The following DEDD2 variants were observed in gnomAD, a reference collection of about 807,000 sequenced individuals.
The protein encoded by DEDD2 is death effector domain containing 2, also known as DNA-binding death effector domain-containing protein 2.
In DEDD2, 18 loss-of-function variants were observed where a neutral mutation model predicts 28.9. The observed-to-expected ratio is 0.62, with a 90% CI of 0.43 to 0.92. DEDD2 has a LOEUF of 0.92. DEDD2 is among the 40% of genes least tolerant of loss of function. The probability of loss-of-function intolerance (pLI) is 0.00; values close to 1 mark genes in which losing one functional copy is unlikely to be tolerated. For missense variants in DEDD2, 411 were observed against 463.3 expected (o/e 0.89, Z 1.04); for synonymous variants, 211 against 206.1 (o/e 1.02, Z -0.20).
chr19:42,215,332 A>T, intron 2 of DEDD2, 80 bp from the exon 3 acceptor site: 2 of 1,557,080 alleles, frequency 1.3e-6, no homozygotes, highest in Non-Finnish European at 1.8e-6. Flanking sequence ...CTGCACCACG[A>T]GGTGCCTAAG....
At chr19:42,217,414 C>G (rs896182492) in intron 1 of DEDD2, among the ~76,000 whole-genome samples, 3 of 152,124 alleles carry the variant, frequency 2.0e-5, no homozygotes, top group African/African-American at 7.2e-5. Flanking sequence ...GCGGTACCGT[C>G]TGATGAGTCC....
intron 4 of DEDD2, 85 bp downstream of exon 4, chr19:42,209,615 T>A (rs2035668966): frequency 6.7e-7 from 1 of 1,494,318 alleles, no homozygotes; most frequent in Non-Finnish European, 8.9e-7. Context: ...GTGTGTCACA[T>A]CCCCCAGAAA....
At position 42,216,817 on chromosome 19, in the gene DEDD2, C is replaced by T. The variant is rs765815128; in HGVS notation, c.191G>A (p.Ser64Asn). The change falls in exon 2 of 5, where the codon AGC (serine) becomes AAC (asparagine). Residue 64 changes from serine (S) to asparagine (N), a missense_variant. Around this residue, in one of 2 missense-constraint regions of DEDD2, gnomAD observed 282 missense variants for 273.4 expected, o/e 1.03. Transcript: ENST00000596251. ...CAGCTCCAGCAGGAGCTCTAGGCCG[C>T]TGCGGGCCCGGGCTAAGCCTCCGGC... is the stretch of plus-strand genomic sequence containing the variant. ...GAAGGLARAR[S>N]GLELLLELER... The T allele has an allele frequency of 6.3e-6, 10 of 1,582,844 alleles. No individual in the cohort carries two copies. The African/African-American group carries it at 1.2e-4, about 19-fold the overall frequency.
intron 4 of DEDD2, among the ~76,000 whole-genome samples, chr19:42,207,955 G>C (rs968612167): frequency 1.3e-5 from 2 of 151,996 alleles, no homozygotes; most frequent in African/African-American, 4.8e-5. Context: ...CAGCTTCCTT[G>C]AGCTTGTTCT....
In DEDD2 at chr19:42,199,875, C is replaced by G; in HGVS notation, c.590-46G>C. The G allele has an allele frequency of 6.5e-7, 1 of 1,534,108 alleles. No individual in the cohort carries two copies. The highest frequency in any genetic ancestry group is 8.8e-7 in the Non-Finnish European group (1 of 1,138,094). On this transcript the variant is annotated intron_variant, in intron 4 of 4. Coordinates refer to ENST00000596251, the MANE Select transcript of DEDD2 (RefSeq NM_133328.4). This position sits in a 1 kb window ranked among gnomAD's most constrained non-coding sequence, Gnocchi z 7.4. ...TGTCAGGGAGGGGGCCAACACTAGACACACTTATGGGGAACGCCACCCTTC... is the reference window on the plus strand; with the variant it reads ...TGTCAGGGAGGGGGCCAACACTAGAGACACTTATGGGGAACGCCACCCTTC...
intron 4 of DEDD2, among the ~76,000 whole-genome samples, chr19:42,200,090 C>T (rs2035272616): frequency 6.6e-6 from 1 of 152,160 alleles, no homozygotes; most frequent in Admixed American, 6.5e-5. Context: ...AACACTTGCT[C>T]CCTCTCTTCC....
chr19:42,202,085 C>A, intron 4 of DEDD2: 1 of 398,758 alleles, frequency 2.5e-6, no homozygotes, highest in Non-Finnish European at 4.4e-6. Flanking sequence ...GAAACACAAA[C>A]AAACAAGAGG....
At position 42,209,803 on chromosome 19, in the gene DEDD2, GC is replaced by G; in HGVS notation, c.485del (p.Gly162AlafsTer33). On this transcript the variant is annotated frameshift_variant, in exon 4 of 5. Coordinates refer to ENST00000596251, the MANE Select transcript of DEDD2 (RefSeq NM_133328.4). LOFTEE classifies it high-confidence loss of function. ...GCCGTCTGGCACCACCACTGGGCCG[GC>G]CCCGACTCCGCCGCTGCCGCTTGGT... ...PPTKRQRRSR[G>X]RPSGGARRRR... 1.3e-6 allele frequency: 2 copies of G among 1,569,266 alleles called. No individual in the cohort carries two copies. Among genetic ancestry groups the G allele is most frequent in the Non-Finnish European group, 1.7e-6 (2 of 1,160,442 alleles).
chr19:42,206,113 A>G, intron 4 of DEDD2, among the ~76,000 whole-genome samples: 1 of 150,500 alleles, frequency 6.6e-6, no homozygotes. Context: ...ATTGCAGGGG[A>G]GAAGCAAAGC....
intron 3 of DEDD2, among the ~76,000 whole-genome samples, chr19:42,213,523 T>C (rs897152943): frequency 2.0e-5 from 3 of 152,168 alleles, no homozygotes; most frequent in Non-Finnish European, 2.9e-5. Context: ...AGGCCGTACA[T>C]GCCTGGAGAT....
At chr19:42,209,215 T>C (rs557872254) in intron 4 of DEDD2, among the ~76,000 whole-genome samples, 1 of 151,710 alleles carries the variant, frequency 6.6e-6, no homozygotes, top group South Asian at 2.1e-4. Context: ...CACTCCAGCC[T>C]GAGAGACAGA....
In DEDD2 at chr19:42,211,405, A is replaced by T. The variant is rs1258652747; in HGVS notation, c.449-1565T>A. Among the ~76,000 whole-genome samples, 3 of 135,478 alleles carry T rather than the reference A, an allele frequency of 2.2e-5. No homozygotes were observed. The East Asian group carries it at 7.8e-4, about 35-fold the overall frequency. The allele number at this position is 135,478 out of a possible 152,430, so 88.9% of individuals were successfully genotyped here. A position where few individuals can be genotyped will look rare whatever the true frequency, so the allele number is the denominator to read the frequency against. The stretch of plus-strand genomic sequence containing the variant: ...CAAAGGGAGAAGGGAGAAGAAAAGG[A>T]AGGAAGGAAGGGAGAGAGGGACGGA... On this transcript the variant is annotated intron_variant, in intron 3 of 4. Coordinates refer to ENST00000596251, the MANE Select transcript of DEDD2 (RefSeq NM_133328.4).
In DEDD2 at chr19:42,199,253, T is replaced by C; in HGVS notation, c.*185A>G. On this transcript the variant is annotated 3_prime_UTR_variant, in exon 5 of 5. Transcript: ENST00000596251. The surrounding 1 kb of genome is among the most constrained non-coding windows in gnomAD (Gnocchi z 7.4). ...GAGGAGTCTGGGAAGGAAACTCAGC[T>C]GGAAATGGTTTAGGCCTCAGAGCCC... The C allele has an allele frequency of 1.1e-6, 1 of 919,198 alleles. No homozygotes were observed. The highest frequency in any genetic ancestry group is 1.6e-6 in the Non-Finnish European group (1 of 637,126). 56.9% of individuals were successfully genotyped at this position (919,198 alleles called of 1,614,324 possible).
chr19:42,217,656 T>C lies in DEDD2; in HGVS notation c.-63A>G, dbSNP rs112506787. The C allele has an allele frequency of 1.3e-5, 2 of 152,856 alleles. No homozygotes were observed. The highest frequency in any genetic ancestry group is 4.8e-5 in the African/African-American group (2 of 41,608). 9.5% of individuals were successfully genotyped at this position (152,856 alleles called of 1,614,324 possible). Reference sequence around the variant, plus strand: ...CCAGATTCTGGCGTCCGATGACTCCTGGGCGACGGCCGCAGCCACTTGTTT... The same window carrying C: ...CCAGATTCTGGCGTCCGATGACTCCCGGGCGACGGCCGCAGCCACTTGTTT... On this transcript the variant is annotated 5_prime_UTR_variant, in exon 1 of 5. Coordinates refer to ENST00000596251, the MANE Select transcript of DEDD2 (RefSeq NM_133328.4).
rs148215428 is a variant in DEDD2, at chr19:42,204,465, G to C, written c.590-4636C>G. On this transcript the variant is annotated intron_variant, in intron 4 of 4. Transcript: ENST00000596251. ...TCCCCCACCCCCCAACTCTCACCAT[G>C]TGACAAGCCTGCTCCCCTTGGCCTT... The C allele has an allele frequency of 2.0e-5, 3 of 152,160 alleles. No individual in the cohort carries two copies. In the East Asian group the frequency reaches 5.8e-4, roughly 29 times the overall value. The allele number at this position is 152,160 out of a possible 1,614,324, so 9.4% of individuals were successfully genotyped here. A position where few individuals can be genotyped will look rare whatever the true frequency, so the allele number is the denominator to read the frequency against.
intron 3 of DEDD2, among the ~76,000 whole-genome samples, chr19:42,212,528 G>A (rs1282744069): frequency 6.8e-6 from 1 of 148,084 alleles, no homozygotes; most frequent in African/African-American, 2.5e-5. Flanking sequence ...GCAGTGGCAT[G>A]ATCTCAGCTC....
chr19:42,216,581 G>A (rs1412579170), intron 2 of DEDD2, 99 bp downstream of exon 2: 1 of 1,203,512 alleles, frequency 8.3e-7, no homozygotes, highest in Non-Finnish European at 1.1e-6. Flanking sequence ...GACATAAGCT[G>A]CCTGATATGG....
intron 4 of DEDD2, chr19:42,201,719 C>T (rs2035337682): frequency 3.0e-6 from 1 of 336,546 alleles, no homozygotes; most frequent in African/African-American, 2.1e-5. Context: ...CTTCCTCTTT[C>T]TGGCTCTAGG....
upstream of DEDD2, chr19:42,217,728 C>T (rs542388894): frequency 6.6e-6 from 1 of 152,602 alleles, no homozygotes; most frequent in East Asian, 1.9e-4. Context: ...CGTCACCTCG[C>T]CCCTCCTCCT....
Sources: gnomAD v4.1 joint callset for allele counts (sites outside exome capture counted in the v4.1 genomes callset) on GRCh38, gnomAD v4.1.1 for gene constraint, gnomAD v4.1.1 regional missense constraint, Gnocchi (gnomAD v3.1) non-coding constraint, MANE v1.5 for transcripts, NCBI Gene and HGNC (gene_info 2026-07-23, HGNC 2026-07-21) for gene names.